Variants in PLPPR1 observed in about 807,000 individuals in gnomAD.
PLPPR1 encodes phospholipid phosphatase-related protein type 1.
Under a neutral mutation model 33.1 loss-of-function variants are expected in PLPPR1, and 10 were observed. The observed-to-expected ratio is 0.30, with a 90% confidence interval of 0.19 to 0.51. The LOEUF is 0.51. Among genes scored for constraint, PLPPR1 ranks in the 20% least tolerant of loss-of-function variants. The probability of loss-of-function intolerance (pLI) is 0.97; values close to 1 mark genes in which losing one functional copy is unlikely to be tolerated. For synonymous variants in PLPPR1, 151 were observed against 151.0 expected (o/e 1.00, Z 0.00); for missense variants, 304 against 408.1 (o/e 0.74, Z 2.20).
intron 4 of PLPPR1, among the ~76,000 whole-genome samples, chr9:101,304,642 G>A (rs1828814502): frequency 6.6e-6 from 1 of 152,156 alleles, no homozygotes; most frequent in Non-Finnish European, 1.5e-5. Context: ...ACTCTTAAAT[G>A]GGGCAAGACC....
intron 1 of PLPPR1, among the ~76,000 whole-genome samples, chr9:101,153,603 C>A (rs1158686254): frequency 2.0e-5 from 3 of 152,120 alleles, no homozygotes; most frequent in Non-Finnish European, 2.9e-5. Context: ...GAGACAGAGT[C>A]TCGCTCTGTT....
intron 7 of PLPPR1, among the ~76,000 whole-genome samples, chr9:101,318,413 C>T (rs1426068095): frequency 1.3e-5 from 2 of 152,134 alleles, no homozygotes; most frequent in Non-Finnish European, 2.9e-5. Flanking sequence ...ACAAATATAT[C>T]ATTACTTGAA....
chr9:101,159,666 A>G (rs1410955858), intron 1 of PLPPR1, among the ~76,000 whole-genome samples: 1 of 152,226 alleles, frequency 6.6e-6, no homozygotes, highest in East Asian at 1.9e-4. Context: ...CCAGTTAGAA[A>G]GAGGTGGAGA....
intron 1 of PLPPR1, among the ~76,000 whole-genome samples, chr9:101,076,464 C>T (rs1459089280): frequency 6.6e-6 from 1 of 152,152 alleles, no homozygotes. Flanking sequence ...TCATGCTGAG[C>T]TCTATTTGCT....
chr9:101,065,905 ACTTCCCCT>A (rs1378371838), intron 1 of PLPPR1, among the ~76,000 whole-genome samples: 3 of 152,038 alleles, frequency 2.0e-5, no homozygotes, highest in African/African-American at 7.2e-5. Context: ...CCCTCACCTA[ACTTCCCCT>A]ATTGTTGACA....
intron 2 of PLPPR1, among the ~76,000 whole-genome samples, chr9:101,258,018 C>A (rs979700752): frequency 3.7e-4 from 56 of 152,056 alleles, no homozygotes; most frequent in Non-Finnish European, 6.2e-4. Flanking sequence ...ACTGTTAGAA[C>A]AAGGGAAAGG....
At chr9:101,036,237 A>T (rs1830007928) in intron 1 of PLPPR1, among the ~76,000 whole-genome samples, 1 of 152,168 alleles carries the variant, frequency 6.6e-6, no homozygotes, top group South Asian at 2.1e-4. Flanking sequence ...ACTGGTGTAA[A>T]AATGCAGGAA....
At chr9:101,123,793 C>T (rs752425824) in intron 1 of PLPPR1, among the ~76,000 whole-genome samples, 14 of 152,098 alleles carry the variant, frequency 9.2e-5, no homozygotes, top group Admixed American at 3.9e-4. Context: ...TCCAGAGCCA[C>T]GAGCCCTGGA....
chr9:101,185,690 G>A (rs1826191770), intron 2 of PLPPR1, 133 bp downstream of exon 2: 1 of 592,812 alleles, frequency 1.7e-6, no homozygotes, highest in South Asian at 2.5e-5. Flanking sequence ...TATTGGTAAA[G>A]ATTAATAAAC....
At chr9:101,141,014 G>A (rs1831444555) in intron 1 of PLPPR1, among the ~76,000 whole-genome samples, 1 of 152,160 alleles carries the variant, frequency 6.6e-6, no homozygotes, top group African/African-American at 2.4e-5. Context: ...GTGACAAAAG[G>A]ATCCGAATAT....
At chr9:101,181,369 G>A (rs1046559031) in intron 1 of PLPPR1, among the ~76,000 whole-genome samples, 4 of 150,876 alleles carry the variant, frequency 2.7e-5, no homozygotes, top group African/African-American at 7.3e-5. Flanking sequence ...GAATGGGAAT[G>A]TAAATTAATA....
intron 2 of PLPPR1, among the ~76,000 whole-genome samples, chr9:101,256,297 T>C (rs1827801159): frequency 6.6e-6 from 1 of 152,178 alleles, no homozygotes; most frequent in African/African-American, 2.4e-5. Context: ...ATTAGGTAGG[T>C]GTTTGCTTAC....
intron 1 of PLPPR1, among the ~76,000 whole-genome samples, chr9:101,170,092 A>G (rs1825918292): frequency 1.3e-5 from 2 of 152,106 alleles, no homozygotes; most frequent in African/African-American, 4.8e-5. Flanking sequence ...TATATTAACA[A>G]TTACTGTGTA....
rs974531199 is a variant in PLPPR1 at position 101,093,630 on chromosome 9, A to G, written c.-46+64528A>G. Among the ~76,000 whole-genome samples, 10 of 152,222 alleles carry G rather than the reference A, an allele frequency of 6.6e-5. No homozygotes were observed. The South Asian group carries it at 2.1e-3, about 31-fold the overall frequency. ...CCCTATGTTCTTCTACTTTAACTTT[A>G]AAATTTTCATCCATCTACTCAACTG... On this transcript the variant is annotated intron_variant, in intron 1 of 7. Coordinates refer to ENST00000374874, the MANE Select transcript of PLPPR1 (RefSeq NM_207299.2).
chr9:101,263,336 C>T (rs551837884), intron 2 of PLPPR1, among the ~76,000 whole-genome samples: 11 of 152,244 alleles, frequency 7.2e-5, no homozygotes, highest in African/African-American at 2.6e-4. Flanking sequence ...TATTGACCAC[C>T]ATTTCCTTAT....
intron 1 of PLPPR1, among the ~76,000 whole-genome samples, chr9:101,129,005 C>T (rs1007906083): frequency 2.0e-5 from 3 of 152,110 alleles, no homozygotes; most frequent in South Asian, 4.2e-4. Flanking sequence ...TAATATTAAT[C>T]CTTCTTATAT....
chr9:101,093,001 G>A (rs1830766564), intron 1 of PLPPR1, among the ~76,000 whole-genome samples: 1 of 152,064 alleles, frequency 6.6e-6, no homozygotes, highest in South Asian at 2.1e-4. Context: ...ATAGCACTGT[G>A]GTCTAGGACT....
chr9:101,291,253 CCCAGG>C (rs1828499320), intron 4 of PLPPR1, among the ~76,000 whole-genome samples: 2 of 152,234 alleles, frequency 1.3e-5, no homozygotes, highest in Admixed American at 6.5e-5. Context: ...CCCGCCATTG[CCCAGG>C]CTTGCTTAGG....
chr9:101,050,205 C>T (rs980282833), intron 1 of PLPPR1, among the ~76,000 whole-genome samples: 7 of 150,126 alleles, frequency 4.7e-5, no homozygotes, highest in African/African-American at 9.8e-5. Context: ...ATAACAGGAG[C>T]TTCCTTAAAG....
Sources: allele counts gnomAD v4.1 joint callset (sites outside exome capture counted in the v4.1 genomes callset), GRCh38; gene constraint gnomAD v4.1.1; transcripts MANE v1.5; gene names NCBI Gene and HGNC (gene_info 2026-07-23, HGNC 2026-07-21).